FCHSD2: variants seen among roughly 807,000 people sequenced by gnomAD.
The protein encoded by FCHSD2 is FCH and double SH3 domains 2.
In FCHSD2, 38 loss-of-function variants were observed where a neutral mutation model predicts 108.1. The observed-to-expected ratio is 0.35, with a 90% CI of 0.27 to 0.46. The LOEUF (loss-of-function observed/expected upper bound fraction) is 0.46, where lower values mean the gene tolerates loss of function less well. Among genes scored for constraint, FCHSD2 ranks in the 20% least tolerant of loss-of-function variants. FCHSD2 has a pLI of 1.00. For synonymous variants in FCHSD2, 279 were observed against 314.7 expected (o/e 0.89, Z 1.20); for missense variants, 751 against 897.8 (o/e 0.84, Z 2.09).
At chr11:73,069,116 G>A (rs552422352) in intron 3 of FCHSD2, among the ~76,000 whole-genome samples, 6 of 150,236 alleles carry the variant, frequency 4.0e-5, no homozygotes, top group Admixed American at 2.0e-4. Context: ...TTTGAGACCA[G>A]TCTGGCCAAA....
intron 8 of FCHSD2, among the ~76,000 whole-genome samples, chr11:72,948,868 C>T (rs1488567470): frequency 1.3e-5 from 2 of 151,600 alleles, no homozygotes; most frequent in African/African-American, 2.4e-5. Flanking sequence ...GGTTTCACCA[C>T]GTTAGCTAGG....
At chr11:72,999,957 T>C (rs1003215944) in intron 5 of FCHSD2, among the ~76,000 whole-genome samples, 1 of 152,162 alleles carries the variant, frequency 6.6e-6, no homozygotes, top group African/African-American at 2.4e-5. Flanking sequence ...TTACTCACTA[T>C]GTTTGTTTTG....
intron 3 of FCHSD2, among the ~76,000 whole-genome samples, chr11:73,033,856 C>T (rs140103402): frequency 1.9e-4 from 29 of 152,094 alleles, no homozygotes; most frequent in Non-Finnish European, 3.5e-4. Context: ...AACTAGTATA[C>T]TGTATTTACC....
intron 5 of FCHSD2, among the ~76,000 whole-genome samples, chr11:72,999,877 AC>A (rs1464577601): frequency 6.1e-3 from 110 of 18,054 alleles, no homozygotes; most frequent in South Asian, 0.028. Context: ...ACACACACAC[AC>A]ACACACACAA....
Position 72,862,886 on chromosome 11 carries a change from T to C in FCHSD2, c.1308+4979A>G, listed in dbSNP as rs527639565. On this transcript the variant is annotated intron_variant, in intron 13 of 19. Coordinates refer to ENST00000409418, the MANE Select transcript of FCHSD2 (RefSeq NM_014824.3). ...GCATCAAGCTGGACAAACAGATCAA[T>C]AGAACAGAACAAAATGTCAAGAAAC... Among the ~76,000 whole-genome samples the C allele has an allele frequency of 2.4e-4, 37 of 152,254 alleles. No homozygotes were observed. In the South Asian group the frequency reaches 2.5e-3, roughly 10 times the overall value.
rs765066607 is a variant in FCHSD2 at position 73,140,258 on chromosome 11, G to A, written c.22-130C>T. On this transcript the variant is annotated intron_variant, in intron 1 of 19. Transcript: ENST00000409418. The stretch of plus-strand genomic sequence containing the variant: ...CCTGAAGGCCATAAATCCAATATTC[G>A]CCATCTAGTTTTATTTATTGAAGAT... 6 of 514,866 alleles carry A rather than the reference G, an allele frequency of 1.2e-5. No homozygotes were observed. In the East Asian group the frequency reaches 1.6e-4, roughly 14 times the overall value. 31.9% of individuals were successfully genotyped at this position (514,866 alleles called of 1,614,324 possible). A position where few individuals can be genotyped will look rare whatever the true frequency, so the allele number is the denominator to read the frequency against.
At chr11:72,899,671 A>G (rs572760901) in intron 10 of FCHSD2, among the ~76,000 whole-genome samples, 2 of 135,406 alleles carry the variant, frequency 1.5e-5, no homozygotes, top group African/African-American at 5.5e-5. Context: ...CAGGAGGTTG[A>G]GGCGCAGTGA....
At chr11:72,986,461 G>A (rs1307385551) in intron 6 of FCHSD2, among the ~76,000 whole-genome samples, 2 of 152,070 alleles carry the variant, frequency 1.3e-5, no homozygotes, top group African/African-American at 2.4e-5. Context: ...CACCCGCCTC[G>A]GCCTCCCAAA....
intron 8 of FCHSD2, among the ~76,000 whole-genome samples, chr11:72,927,736 T>C (rs1565326731): frequency 1.3e-5 from 2 of 152,240 alleles, no homozygotes; most frequent in Non-Finnish European, 2.9e-5. Flanking sequence ...TGAGCATTTA[T>C]GTGGACTTAG....
rs146519853 is a variant in FCHSD2 at position 73,047,866 on chromosome 11, T to C, written c.166-31981A>G. 3.5e-3 allele frequency among the ~76,000 whole-genome samples: 534 copies of C among 152,334 alleles called. 20 individuals carry two copies. Among genetic ancestry groups the C allele is most frequent in the Admixed American group, 0.029 (439 of 15,294 alleles). ...AAATGATGGTGAGCTAATGACTTTG[T>C]TATCTCATTTAAGCTTAGCAACAAC... On this transcript the variant is annotated intron_variant, in intron 3 of 19. Transcript: ENST00000409418.
intron 8 of FCHSD2, among the ~76,000 whole-genome samples, chr11:72,922,610 T>C (rs750341291): frequency 4.6e-5 from 7 of 151,896 alleles, no homozygotes; most frequent in Non-Finnish European, 8.8e-5. Context: ...GTCACCAAAA[T>C]AAAAACCGTG....
rs1362518275 is a variant in FCHSD2 at position 72,857,459 on chromosome 11, A to G, written c.1309-7570T>C. Among the ~76,000 whole-genome samples, 2 of 106,512 alleles carry G rather than the reference A, an allele frequency of 1.9e-5. 1 individual carries two copies. Among genetic ancestry groups the G allele is most frequent in the South Asian group, 5.8e-4 (2 of 3,424 alleles). 69.9% of individuals were successfully genotyped at this position (106,512 alleles called of 152,430 possible). ...CCTTTTTTTTTTTTTTTTTTTTGAG[A>G]TGGAGTTTCACTCTTGTCGCCCAGG... On this transcript the variant is annotated intron_variant, in intron 13 of 19. Transcript: ENST00000409418.
rs577176316 is a variant in FCHSD2 at position 72,938,814 on chromosome 11, C to G, written c.706-16864G>C. Among the ~76,000 whole-genome samples the G allele has an allele frequency of 2.6e-5, 4 of 152,074 alleles. No homozygotes were observed. The South Asian group carries it at 8.3e-4, about 32-fold the overall frequency. ...TTGAAAAAAATCTTATCAAGCTAACCCAAGACTAATTTATCATTTTGGTTT... is the reference window on the plus strand; with the variant it reads ...TTGAAAAAAATCTTATCAAGCTAACGCAAGACTAATTTATCATTTTGGTTT... On this transcript the variant is annotated intron_variant, in intron 8 of 19. Transcript: ENST00000409418.
At chr11:73,115,405 G>A (rs1416880770) in intron 2 of FCHSD2, among the ~76,000 whole-genome samples, 1 of 152,104 alleles carries the variant, frequency 6.6e-6, no homozygotes, top group African/African-American at 2.4e-5. Flanking sequence ...GGATAGTCTC[G>A]TTCTCCTGAC....
chr11:72,968,331 C>T (rs913990527), intron 8 of FCHSD2, among the ~76,000 whole-genome samples: 3 of 152,108 alleles, frequency 2.0e-5, no homozygotes, highest in African/African-American at 7.2e-5. Context: ...TATAATTTAT[C>T]ATTCTGTTTC....
chr11:73,081,758 T>C (rs1022439496), intron 3 of FCHSD2, among the ~76,000 whole-genome samples: 4 of 152,164 alleles, frequency 2.6e-5, no homozygotes, highest in African/African-American at 9.7e-5. Flanking sequence ...TGTATGAAAG[T>C]GTATTTGTAA....
At chr11:72,901,120 C>T (rs1457330588) in intron 10 of FCHSD2, among the ~76,000 whole-genome samples, 1 of 152,186 alleles carries the variant, frequency 6.6e-6, no homozygotes, top group African/African-American at 2.4e-5. Context: ...GGCCGGACAT[C>T]GTGGCTCACG....
intron 2 of FCHSD2, among the ~76,000 whole-genome samples, chr11:73,126,475 T>C (rs2135566144): frequency 6.6e-6 from 1 of 151,596 alleles, no homozygotes; most frequent in East Asian, 1.9e-4. Context: ...GAAAAGTTTG[T>C]AAATCAAGTA....
chr11:73,123,511 T>C (rs767239261), intron 2 of FCHSD2, among the ~76,000 whole-genome samples: 3 of 152,212 alleles, frequency 2.0e-5, no homozygotes, highest in Non-Finnish European at 2.9e-5. Context: ...GGCCTAGGCA[T>C]CTGTAATGTA....
Sources: gnomAD v4.1 joint callset for allele counts (sites outside exome capture counted in the v4.1 genomes callset) on GRCh38, gnomAD v4.1.1 for gene constraint, MANE v1.5 for transcripts, NCBI Gene and HGNC (gene_info 2026-07-23, HGNC 2026-07-21) for gene names.